ZNF536: variants seen among roughly 807,000 people sequenced by gnomAD.
ZNF536 encodes zinc finger protein 536.
Under a neutral mutation model 84.5 loss-of-function variants are expected in ZNF536, and 13 were observed. That is an observed-to-expected ratio of 0.15 (90% CI 0.10 to 0.24). ZNF536 has a LOEUF of 0.24. ZNF536 is among the 10% of genes least tolerant of loss of function. The pLI, the probability that ZNF536 is intolerant of heterozygous loss-of-function variation, is 1.00. For synonymous variants in ZNF536, 811 were observed against 742.5 expected, an observed-to-expected ratio of 1.09 and a Z score of -1.50; for missense variants, 1,536 against 1,747.5, an observed-to-expected ratio of 0.88 and a Z score of 2.16.
intron 2 of ZNF536, among the ~76,000 whole-genome samples, chr19:30,289,141 C>A (rs1015321275): frequency 6.6e-6 from 1 of 152,064 alleles, no homozygotes; most frequent in South Asian, 2.1e-4. Context: ...ATGGATGCCA[C>A]GTGGTCATGG....
intron 1 of ZNF536, among the ~76,000 whole-genome samples, chr19:30,691,258 C>G (rs186982499): frequency 1.3e-5 from 2 of 152,238 alleles, no homozygotes; most frequent in East Asian, 1.9e-4. Flanking sequence ...GCCCACCCCC[C>G]ACATGCACAT....
chr19:30,542,531 T>C (rs1329296651), intron 3 of ZNF536, among the ~76,000 whole-genome samples: 3 of 152,236 alleles, frequency 2.0e-5, no homozygotes, highest in East Asian at 1.9e-4. Context: ...AATTTCATTA[T>C]GCCTTTTCTA....
chr19:30,571,476 A>G (rs746163771), intron 1 of ZNF536, among the ~76,000 whole-genome samples: 1 of 152,204 alleles, frequency 6.6e-6, no homozygotes, highest in Non-Finnish European at 1.5e-5. Context: ...TGCCCCCTTC[A>G]TTGAACAAAG....
At position 30,444,780 on chromosome 19, in the gene ZNF536, C is replaced by G. The variant is rs2148198030; in HGVS notation, c.1218C>G (p.Pro406=). 1 of 1,613,954 alleles carries G rather than the reference C, an allele frequency of 6.2e-7. No individual in the cohort carries two copies. Among genetic ancestry groups the G allele is most frequent in the Non-Finnish European group, 8.5e-7 (1 of 1,180,044 alleles). ...LNKLSVKNKS[P]SDPEVPVPMG... Reference sequence around the variant, plus strand: ...AGCTGTCGGTGAAGAACAAGTCCCCCAGCGACCCCGAGGTGCCTGTGCCCA... The same window carrying G: ...AGCTGTCGGTGAAGAACAAGTCCCCGAGCGACCCCGAGGTGCCTGTGCCCA... Residue 406 remains proline (P), a synonymous_variant, in exon 2 of 5, where the codon CCC becomes CCG. Coordinates refer to ENST00000355537, the MANE Select transcript of ZNF536 (RefSeq NM_014717.3).
intron 1 of ZNF536, among the ~76,000 whole-genome samples, chr19:30,275,549 T>G (rs1405915884): frequency 6.6e-6 from 1 of 152,078 alleles, no homozygotes; most frequent in East Asian, 1.9e-4. Context: ...TGGGGCACAG[T>G]GTGTTTGAGT....
At chr19:30,536,016 T>A (rs1403834182) in intron 3 of ZNF536, among the ~76,000 whole-genome samples, 2 of 152,090 alleles carry the variant, frequency 1.3e-5, no homozygotes, top group Non-Finnish European at 2.9e-5. Context: ...TGAGGACAGA[T>A]GGGCACAGGA....
At chr19:30,646,003 A>G (rs1019355505) in intron 1 of ZNF536, among the ~76,000 whole-genome samples, 1 of 152,056 alleles carries the variant, frequency 6.6e-6, no homozygotes, top group Non-Finnish European at 1.5e-5. Flanking sequence ...TCTCAGATCT[A>G]GTCACCGTCT....
Position 30,650,167 on chromosome 19 carries a change from C to T in ZNF536, c.170-60590C>T, listed in dbSNP as rs191125942. On this transcript the variant is annotated intron_variant, in intron 1 of 1. Transcript: ENST00000592773. ...TTAATGTTTTCATTGTGCAGAAAGG[C>T]TGAAGCTATGCAGTGTTAGCGGCAC... Among the ~76,000 whole-genome samples the T allele has an allele frequency of 4.6e-5, 7 of 152,328 alleles. No individual in the cohort carries two copies. The East Asian group carries it at 5.8e-4, about 13-fold the overall frequency.
At chr19:30,676,681 A>G (rs370724574) in intron 1 of ZNF536, among the ~76,000 whole-genome samples, 1 of 152,246 alleles carries the variant, frequency 6.6e-6, no homozygotes, top group Non-Finnish European at 1.5e-5. Context: ...AACAGTACAA[A>G]TATTAATTTT....
At chr19:30,313,923 A>G (rs896480320) in intron 2 of ZNF536, among the ~76,000 whole-genome samples, 3 of 152,218 alleles carry the variant, frequency 2.0e-5, no homozygotes, top group Non-Finnish European at 4.4e-5. Flanking sequence ...ACTTCAGAGT[A>G]AAGAATAGAG....
chr19:30,242,429 T>C (rs1599857724), intron 1 of ZNF536, among the ~76,000 whole-genome samples: 1 of 152,092 alleles, frequency 6.6e-6, no homozygotes. Context: ...TTAGACTTGG[T>C]TGTGCTTCAC....
At position 30,557,179 on chromosome 19, in the gene ZNF536, G is replaced by A. The variant is rs201214050; in HGVS notation, c.*15G>A. The A allele has an allele frequency of 6.2e-7, 1 of 1,613,838 alleles. No homozygotes were observed. Among genetic ancestry groups the A allele is most frequent in the Admixed American group, 1.7e-5 (1 of 59,982 alleles). ...CAGGTAAGTGACACTCCCTGTCCTA[G>A]TCGGTCTATCTGGACTTGCCCTTGT... On this transcript the variant is annotated 3_prime_UTR_variant, in exon 5 of 5. Transcript: ENST00000355537.
At chr19:30,462,814 CTG>C (rs962290927) in intron 2 of ZNF536, among the ~76,000 whole-genome samples, 2 of 146,838 alleles carry the variant, frequency 1.4e-5, no homozygotes, top group African/African-American at 5.0e-5. Context: ...ATGCATTTGC[CTG>C]TGTTGGAATG....
At chr19:30,340,031 G>C (rs1295844002) in intron 2 of ZNF536, among the ~76,000 whole-genome samples, 1 of 152,052 alleles carries the variant, frequency 6.6e-6, no homozygotes, top group Non-Finnish European at 1.5e-5. Flanking sequence ...TCCTGTCCTG[G>C]GCCCGGGCAG....
chr19:30,358,330 C>T (rs2048163367), intron 3 of ZNF536, among the ~76,000 whole-genome samples: 1 of 152,204 alleles, frequency 6.6e-6, no homozygotes, highest in Non-Finnish European at 1.5e-5. Flanking sequence ...ATGTCCAGCT[C>T]AGTTCTCACC....
At chr19:30,269,181 C>T (rs1011006162) in intron 1 of ZNF536, among the ~76,000 whole-genome samples, 9 of 152,296 alleles carry the variant, frequency 5.9e-5, no homozygotes, top group African/African-American at 2.2e-4. Context: ...TGTTGAGTAG[C>T]AGTGGTCCCT....
chr19:30,582,365 C>T (rs1322181231), intron 1 of ZNF536, among the ~76,000 whole-genome samples: 1 of 148,876 alleles, frequency 6.7e-6, no homozygotes, highest in East Asian at 2.0e-4. Flanking sequence ...GGCTTCTCTT[C>T]CTAGTTTCTC....
intron 1 of ZNF536, among the ~76,000 whole-genome samples, chr19:30,249,575 C>T (rs1261931612): frequency 6.6e-6 from 1 of 152,170 alleles, no homozygotes; most frequent in South Asian, 2.1e-4. Context: ...ATCACTTGAG[C>T]CTGGGAGTTC....
In ZNF536 at chr19:30,674,782, G is replaced by C. The variant is rs74820632; in HGVS notation, c.170-35975G>C. Among the ~76,000 whole-genome samples the C allele has an allele frequency of 4.0e-3, 613 of 152,278 alleles. 2 individuals are homozygous for C. The highest frequency in any genetic ancestry group is 6.8e-3 in the Middle Eastern group (2 of 294). On this transcript the variant is annotated intron_variant, in intron 1 of 1. Coordinates refer to the ZNF536 transcript ENST00000592773. ...CCTCCTGTATAGTGTGTTCTTGGTT[G>C]GTATTCGAGGTAGGCAGCTTTTTGC... is the stretch of plus-strand genomic sequence containing the variant.
Sources: gnomAD v4.1 joint callset for allele counts (sites outside exome capture counted in the v4.1 genomes callset) on GRCh38, gnomAD v4.1.1 for gene constraint, MANE v1.5 for transcripts, NCBI Gene and HGNC (gene_info 2026-07-23, HGNC 2026-07-21) for gene names.